PHIP: variants seen among roughly 807,000 people sequenced by gnomAD.
PHIP encodes the protein PH-interacting protein.
In PHIP, 54 loss-of-function variants were observed where a neutral mutation model predicts 236.8. That is an observed-to-expected ratio of 0.23 (90% CI 0.18 to 0.29). The LOEUF is 0.29. PHIP is among the 10% of genes least tolerant of loss of function. The pLI is 1.00. For synonymous variants in PHIP, 756 were observed against 718.9 expected (o/e 1.05, Z -0.83); for missense variants, 1,370 against 2,190.8 (o/e 0.63, Z 7.48).
At chr6:78,974,783 T>A (rs930873990) in intron 24 of PHIP, among the ~76,000 whole-genome samples, 11 of 151,548 alleles carry the variant, frequency 7.3e-5, no homozygotes, top group African/African-American at 2.7e-4. Flanking sequence ...AAGAAATGGA[T>A]AAATTCCTTG....
chr6:79,036,968 C>A (rs1187612325), intron 7 of PHIP, among the ~76,000 whole-genome samples: 10 of 150,530 alleles, frequency 6.6e-5, no homozygotes, highest in Non-Finnish European at 1.0e-4. Flanking sequence ...GACTTGATAC[C>A]CCATTACCTC....
At chr6:78,942,082 A>G (rs1232032004) in intron 39 of PHIP, among the ~76,000 whole-genome samples, 1 of 152,224 alleles carries the variant, frequency 6.6e-6, no homozygotes, top group East Asian at 1.9e-4. Flanking sequence ...GGTGATTTGC[A>G]ATGCTCTATT....
intron 7 of PHIP, among the ~76,000 whole-genome samples, chr6:79,031,211 T>G (rs1771658679): frequency 6.6e-6 from 1 of 152,222 alleles, no homozygotes; most frequent in Non-Finnish European, 1.5e-5. Flanking sequence ...CCTAAAGTGC[T>G]GGGATTATAG....
chr6:79,002,942 C>T (rs935955730), intron 16 of PHIP, among the ~76,000 whole-genome samples: 14 of 151,932 alleles, frequency 9.2e-5, no homozygotes, highest in Admixed American at 2.0e-4. Flanking sequence ...TTAATATAAA[C>T]TCAACCAGGA....
In PHIP at chr6:78,970,079, C is replaced by T. The variant is rs775482205; in HGVS notation, c.3092G>A (p.Gly1031Asp). 1 of 1,613,478 alleles carries T rather than the reference C, an allele frequency of 6.2e-7. No individual in the cohort carries two copies. ...LKLAFLDPDT[G>D]KLTGGSFTMK... ...GGTAAATGATCCGCCAGTCAGTTTA[C>T]CAGTATCAGGATCTAGAAAAGCAAG... Residue 1031 changes from glycine (G) to aspartate (D), a missense_variant, in exon 26 of 40, where the codon GGT becomes GAT. Gly to Asp is a moderately conservative substitution (Grantham distance 94). Coordinates refer to ENST00000275034, the MANE Select transcript of PHIP (RefSeq NM_017934.7).
intron 19 of PHIP, among the ~76,000 whole-genome samples, chr6:78,996,606 A>G (rs1192834339): frequency 6.6e-6 from 1 of 152,230 alleles, no homozygotes; most frequent in African/African-American, 2.4e-5. Context: ...TTGTCATAAG[A>G]AAGTGTAAAT....
Position 78,937,285 on chromosome 6 carries a change from T to C in PHIP, c.*3408A>G, listed in dbSNP as rs2127674176. 6.6e-6 allele frequency: 1 copy of C among 151,876 alleles called. No individual in the cohort carries two copies. The highest frequency in any genetic ancestry group is 2.1e-4 in the South Asian group (1 of 4,824). 9.4% of individuals were successfully genotyped at this position (151,876 alleles called of 1,614,324 possible). ...GTAGGTATATATGTATAAAATGGAA[T>C]GTCAGAATTGAAGTAAACATTGTTA... On this transcript the variant is annotated 3_prime_UTR_variant, in exon 40 of 40. Coordinates refer to ENST00000275034, the MANE Select transcript of PHIP (RefSeq NM_017934.7).
In PHIP at chr6:79,042,839, T is replaced by G. The variant is rs1772294070; in HGVS notation, c.600+4A>C. On this transcript the variant is annotated splice_donor_region_variant and intron_variant, in intron 7 of 39. Coordinates refer to ENST00000275034, the MANE Select transcript of PHIP (RefSeq NM_017934.7). ...ATATAAATAATACTTTAGCAATTAC[T>G]TACAGTAAATATCCGTCTGCCAGTT... 7.6e-6 allele frequency: 12 copies of G among 1,582,866 alleles called. No homozygotes were observed. The highest frequency in any genetic ancestry group is 1.9e-5 in the Admixed American group (1 of 53,620).
At chr6:79,020,663 G>A (rs2127744476) in intron 9 of PHIP, among the ~76,000 whole-genome samples, 1 of 152,226 alleles carries the variant, frequency 6.6e-6, no homozygotes, top group South Asian at 2.1e-4. Flanking sequence ...TTTTATTTTA[G>A]AAAGGAAATC....
At chr6:79,000,123 GT>G (rs935530012) in intron 17 of PHIP, among the ~76,000 whole-genome samples, 4 of 151,422 alleles carry the variant, frequency 2.6e-5, no homozygotes, top group Admixed American at 2.6e-4. Flanking sequence ...AAAAGCTAAG[GT>G]TTTTTTTGAA....
At chr6:79,031,983 T>C (rs1387158420) in intron 7 of PHIP, among the ~76,000 whole-genome samples, 1 of 152,230 alleles carries the variant, frequency 6.6e-6, no homozygotes, top group African/African-American at 2.4e-5. Flanking sequence ...TCCAGACCAC[T>C]GCAATTAAGC....
intron 24 of PHIP, among the ~76,000 whole-genome samples, chr6:78,974,836 C>A (rs1767925008): frequency 6.6e-6 from 1 of 150,914 alleles, no homozygotes. Flanking sequence ...GAAGTTGAAT[C>A]TCTGAATAGA....
At chr6:79,028,464 A>G (rs1771511268) in intron 7 of PHIP, among the ~76,000 whole-genome samples, 1 of 152,198 alleles carries the variant, frequency 6.6e-6, no homozygotes, top group African/African-American at 2.4e-5. Context: ...AATAAAAGGG[A>G]TAAGGAGCAC....
intron 12 of PHIP, among the ~76,000 whole-genome samples, 162 bp downstream of exon 12, chr6:79,017,184 C>T (rs564434910): frequency 1.8e-4 from 28 of 151,900 alleles, no homozygotes; most frequent in Non-Finnish European, 3.5e-4. Flanking sequence ...AAGAGAAAGA[C>T]GTGCCTATGC....
At chr6:78,974,118 A>T (rs1767847876) in intron 24 of PHIP, among the ~76,000 whole-genome samples, 1 of 151,928 alleles carries the variant, frequency 6.6e-6, no homozygotes, top group South Asian at 2.1e-4. Context: ...TTGACCACAT[A>T]CTTGGAAGTA....
chr6:79,025,973 C>G lies in PHIP; in HGVS notation c.792G>C (p.Gln264His). 1.2e-6 allele frequency: 2 copies of G among 1,613,348 alleles called. No homozygotes were observed. Among genetic ancestry groups the G allele is most frequent in the Non-Finnish European group, 1.7e-6 (2 of 1,179,398 alleles). The change falls in exon 8 of 40, where the codon CAG becomes CAC. Residue 264 changes from glutamine to histidine, a missense_variant. Around this residue, in one of 14 missense-constraint regions of PHIP, gnomAD observed 188 missense variants for 354.3 expected, o/e 0.53. Coordinates refer to ENST00000275034, the MANE Select transcript of PHIP (RefSeq NM_017934.7). ...GTGATGTAATAGATGCACTATGGCC[C>G]TGAAGAACAGCCAAAGGTGCACAGG... Reference protein sequence around the residue: ...LRTCAPLAVLQGHSASITSLQ... With the variant: ...LRTCAPLAVLHGHSASITSLQ...
chr6:78,951,402 G>T (rs555115739), intron 35 of PHIP, among the ~76,000 whole-genome samples: 1 of 151,946 alleles, frequency 6.6e-6, no homozygotes, highest in Non-Finnish European at 1.5e-5. Context: ...ATCTTGCTTT[G>T]AATATTTGAT....
In PHIP at chr6:78,947,520, G is replaced by A. The variant is rs1773892272; in HGVS notation, c.4206+103C>T. 4 of 590,782 alleles carry A rather than the reference G, an allele frequency of 6.8e-6. No individual in the cohort carries two copies. In the East Asian group the frequency reaches 1.2e-4, roughly 18 times the overall value. The allele number at this position is 590,782 out of a possible 1,614,324, so 36.6% of individuals were successfully genotyped here. A position where few individuals can be genotyped will look rare whatever the true frequency, so the allele number is the denominator to read the frequency against. On this transcript the variant is annotated intron_variant, in intron 36 of 39. Coordinates refer to ENST00000275034, the MANE Select transcript of PHIP (RefSeq NM_017934.7). ...GTAGGACAACATTAAGAATGTAACA[G>A]AAAGTTAACTTTGACCTAAATTTTA...
intron 15 of PHIP, among the ~76,000 whole-genome samples, chr6:79,006,015 T>A (rs930320374): frequency 4.6e-5 from 7 of 152,026 alleles, no homozygotes; most frequent in Non-Finnish European, 1.0e-4. Flanking sequence ...ATTGTGAATA[T>A]GGCAAGACAG....
Sources: gnomAD v4.1 joint callset for allele counts (sites outside exome capture counted in the v4.1 genomes callset) on GRCh38, gnomAD v4.1.1 for gene constraint, gnomAD v4.1.1 regional missense constraint, MANE v1.5 for transcripts, NCBI Gene and HGNC (gene_info 2026-07-23, HGNC 2026-07-21) for gene names.